TSHR: variants seen among roughly 807,000 people sequenced by gnomAD.
TSHR encodes the protein thyrotropin receptor.
TSHR carries 51 observed loss-of-function variants against 64.1 expected under a neutral mutation model. The ratio of observed to expected loss-of-function variants is 0.80; its 90% CI spans 0.64 to 1.01. The LOEUF (loss-of-function observed/expected upper bound fraction) is 1.01, where lower values mean the gene tolerates loss of function less well. Ranked by LOEUF, TSHR falls within the 50% of genes least tolerant of loss-of-function variation. TSHR has a pLI of 0.00. For synonymous variants in TSHR, 361 were observed against 361.9 expected (o/e 1.00, Z 0.03); for missense variants, 877 against 942.8 (o/e 0.93, Z 0.91).
At chr14:81,140,152 A>T (rs1233403895) in intron 9 of TSHR, among the ~76,000 whole-genome samples, 1 of 152,220 alleles carries the variant, frequency 6.6e-6, no homozygotes, top group Non-Finnish European at 1.5e-5. Context: ...TGTAGAGGTT[A>T]TGTAGATATG....
intron 1 of TSHR, chr14:81,033,303 C>T: frequency 2.4e-6 from 1 of 416,464 alleles, no homozygotes; most frequent in Non-Finnish European, 4.7e-6. Flanking sequence ...TGTACAGCTC[C>T]AAGAGTGAAG....
In TSHR at chr14:81,145,806, C is replaced by T. The variant is rs1022625437; in HGVS notation, c.*1453C>T. On this transcript the variant is annotated 3_prime_UTR_variant, in exon 10 of 10. Coordinates refer to ENST00000298171, the MANE Select transcript of TSHR (RefSeq NM_000369.5). ...GGATCTTTATCTACAGATGTACTCT[C>T]CAGGTTACCTGTGATGATAGCCCCC... 2.6e-5 allele frequency: 6 copies of T among 232,906 alleles called. 1 individual carries two copies. The allele number at this position is 232,906 out of a possible 1,614,324, so 14.4% of individuals were successfully genotyped here. A position where few individuals can be genotyped will look rare whatever the true frequency, so the allele number is the denominator to read the frequency against.
chr14:81,102,670 C>A, intron 7 of TSHR: 1 of 508,566 alleles, frequency 2.0e-6, no homozygotes, highest in Non-Finnish European at 2.5e-6. Context: ...AATATATAAA[C>A]AAATGAGCAT....
chr14:81,072,627 TA>T (rs1222061151), intron 3 of TSHR, among the ~76,000 whole-genome samples: 3 of 152,050 alleles, frequency 2.0e-5, no homozygotes, highest in Non-Finnish European at 4.4e-5. Context: ...TTAACTGCAT[TA>T]AATGTAAAAG....
chr14:80,966,041 C>T, intron 1 of TSHR, among the ~76,000 whole-genome samples: 1 of 152,200 alleles, frequency 6.6e-6, no homozygotes, highest in East Asian at 1.9e-4. Flanking sequence ...AACATGATCT[C>T]TGTATTTATA....
chr14:81,015,983 C>G (rs1313274564), intron 1 of TSHR, among the ~76,000 whole-genome samples: 1 of 152,034 alleles, frequency 6.6e-6, no homozygotes, highest in East Asian at 1.9e-4. Flanking sequence ...GAGTAGTATT[C>G]TATTGTGTAT....
chr14:81,104,046 T>C (rs771783744), intron 7 of TSHR: 20 of 985,310 alleles, frequency 2.0e-5, no homozygotes, highest in Middle Eastern at 5.2e-4. Context: ...GAGAATATTA[T>C]AGGATTAAGA....
At position 81,015,462 on chromosome 14, in the gene TSHR, C is replaced by T. The variant is rs550260755; in HGVS notation, c.171-46686C>T. On this transcript the variant is annotated intron_variant, in intron 1 of 9. Coordinates refer to ENST00000298171, the MANE Select transcript of TSHR (RefSeq NM_000369.5). ...CAATATTAAATACGTGTTCTAAATC[C>T]AGCATGTGAATATCACTTCTTCAAA... Among the ~76,000 whole-genome samples the T allele has an allele frequency of 5.9e-5, 9 of 152,104 alleles. No individual in the cohort carries two copies. The South Asian group carries it at 1.9e-3, about 32-fold the overall frequency.
intron 3 of TSHR, among the ~76,000 whole-genome samples, chr14:81,079,735 A>AGTCCCAGCTTCTCAGGAAGTT: frequency 6.6e-6 from 1 of 152,148 alleles, no homozygotes; most frequent in Admixed American, 6.6e-5. Flanking sequence ...ACTTGCCTAT[A>AGTCCCAGCTTCTCAGGAAGTT]GTCCCAGCTT....
At chr14:80,959,434 A>G (rs1352129359) in intron 1 of TSHR, 2 of 152,258 alleles carry the variant, frequency 1.3e-5, no homozygotes, top group African/African-American at 4.8e-5. Context: ...TCTCTTACTC[A>G]GAAAGTTGCC....
chr14:81,104,650 C>T (rs1595120849), intron 7 of TSHR: 2 of 985,442 alleles, frequency 2.0e-6, no homozygotes, highest in Admixed American at 1.2e-4. Flanking sequence ...TACATAAACA[C>T]ACATATAGTA....
At position 81,056,977 on chromosome 14, in the gene TSHR, G is replaced by A. The variant is rs1566784157; in HGVS notation, c.171-5171G>A. On this transcript the variant is annotated intron_variant, in intron 1 of 9. Transcript: ENST00000298171. ...TTTTATTTTAAAAAATAGTCTATATGCAAATAGTCCCAAGTGTTTAACTGC... is the reference window on the plus strand; with the variant it reads ...TTTTATTTTAAAAAATAGTCTATATACAAATAGTCCCAAGTGTTTAACTGC... Among the ~76,000 whole-genome samples the A allele has an allele frequency of 4.6e-5, 7 of 152,170 alleles. No homozygotes were observed. The South Asian group carries it at 1.2e-3, about 27-fold the overall frequency.
rs774476388 is a variant in TSHR, at chr14:80,955,863, G to A, written c.170+13G>A. On this transcript the variant is annotated intron_variant, in intron 1 of 9. Coordinates refer to ENST00000298171, the MANE Select transcript of TSHR (RefSeq NM_000369.5). The stretch of plus-strand genomic sequence containing the variant: ...GTACGCAGACTCTGTGAGTACCCGG[G>A]AGAGATCAGGGTAGGACCCAGAGAT... The A allele has an allele frequency of 1.2e-6, 2 of 1,614,108 alleles. No homozygotes were observed. Among genetic ancestry groups the A allele is most frequent in the East Asian group, 2.2e-5 (1 of 44,876 alleles).
In TSHR at chr14:81,073,022, A is replaced by G. The variant is rs1595054219; in HGVS notation, c.317+4694A>G. 9.9e-5 allele frequency among the ~76,000 whole-genome samples: 2 copies of G among 20,224 alleles called. 1 individual carries two copies. Among genetic ancestry groups the G allele is most frequent in the Non-Finnish European group, 2.0e-4 (2 of 10,078 alleles). The allele number at this position is 20,224 out of a possible 152,430, so 13.3% of individuals were successfully genotyped here. ...AAAAAAAAAAAAAAATAAAAAATAA[A>G]TATATATATATATATATATATATAT... is the stretch of plus-strand genomic sequence containing the variant. On this transcript the variant is annotated intron_variant, in intron 3 of 9. Coordinates refer to ENST00000298171, the MANE Select transcript of TSHR (RefSeq NM_000369.5).
At chr14:80,982,720 T>C in intron 1 of TSHR, 1 of 844,250 alleles carries the variant, frequency 1.2e-6, no homozygotes. Flanking sequence ...AAGCCCTCCT[T>C]CATATATTGT....
At chr14:81,008,387 T>G (rs1276122889) in intron 1 of TSHR, among the ~76,000 whole-genome samples, 1 of 152,128 alleles carries the variant, frequency 6.6e-6, no homozygotes, top group South Asian at 2.1e-4. Flanking sequence ...TTAGCCAGGA[T>G]GGTCTCCATC....
chr14:81,046,506 A>T (rs1394812647), intron 1 of TSHR, among the ~76,000 whole-genome samples: 1 of 151,598 alleles, frequency 6.6e-6, no homozygotes, highest in Non-Finnish European at 1.5e-5. Flanking sequence ...AGGGGAAAAA[A>T]ATATAAAAAA....
At chr14:81,102,912 C>A (rs1393898508) in intron 7 of TSHR, 21 of 985,154 alleles carry the variant, frequency 2.1e-5, no homozygotes, top group Non-Finnish European at 2.5e-5. Flanking sequence ...CAGATCCAAT[C>A]ATAATAGAAA....
At chr14:81,078,079 A>T (rs1184299273) in intron 3 of TSHR, among the ~76,000 whole-genome samples, 2 of 151,334 alleles carry the variant, frequency 1.3e-5, no homozygotes, top group Non-Finnish European at 2.9e-5. Flanking sequence ...ATTAACTTTT[A>T]CATAATTTGA....
Sources: gnomAD v4.1 joint callset for allele counts (sites outside exome capture counted in the v4.1 genomes callset) on GRCh38, gnomAD v4.1.1 for gene constraint, MANE v1.5 for transcripts, NCBI Gene and HGNC (gene_info 2026-07-23, HGNC 2026-07-21) for gene names.